The following STON2 variants were observed in gnomAD, a reference collection of about 807,000 sequenced individuals.
STON2 encodes the protein stonin-2.
A neutral mutation model predicts 65.7 loss-of-function variants in STON2; 29 were observed. The ratio of observed to expected loss-of-function variants is 0.44; its 90% CI spans 0.33 to 0.60. STON2 has a LOEUF of 0.60. STON2 is among the 20% of genes least tolerant of loss of function. The pLI is 0.03. For missense variants in STON2, 1,054 were observed against 1,118.1 expected, an observed-to-expected ratio of 0.94 and a Z score of 0.82; for synonymous variants, 404 against 414.2, an observed-to-expected ratio of 0.98 and a Z score of 0.30.
At chr14:81,383,625 C>T (rs1899643328) in intron 3 of STON2, among the ~76,000 whole-genome samples, 1 of 152,126 alleles carries the variant, frequency 6.6e-6, no homozygotes, top group Admixed American at 6.6e-5. Context: ...AATCCAATCA[C>T]TTCCTGCCTT....
At chr14:81,348,544 G>C (rs1263161707) in intron 4 of STON2, among the ~76,000 whole-genome samples, 1 of 151,866 alleles carries the variant, frequency 6.6e-6, no homozygotes, top group Non-Finnish European at 1.5e-5. Flanking sequence ...TAAACAAAGA[G>C]GTGAAAGACT....
At chr14:81,336,465 G>A (rs1007801464) in intron 4 of STON2, among the ~76,000 whole-genome samples, 1 of 152,002 alleles carries the variant, frequency 6.6e-6, no homozygotes, top group Non-Finnish European at 1.5e-5. Context: ...AGGAGTACCA[G>A]AAATATCACT....
chr14:81,398,127 G>A (rs1900415741), intron 2 of STON2, among the ~76,000 whole-genome samples, 168 bp downstream of exon 2: 1 of 152,128 alleles, frequency 6.6e-6, no homozygotes, highest in African/African-American at 2.4e-5. Flanking sequence ...CTTTTTCAGT[G>A]TGTAAATTCT....
At position 81,278,579 on chromosome 14, in the gene STON2, T is replaced by A; in HGVS notation, c.903A>T (p.Leu301Phe). ...GCTTCAGAGGAGAGGTGACTGGTGG[T>A]AAAGGGCAGCTGACTTCATTGTCAT... ...TFDDNEVSCP[L>F]PPVTSPLKPN... The change falls in exon 6 of 8, where the codon TTA (leucine) becomes TTT (phenylalanine). Residue 301 changes from leucine (L) to phenylalanine (F), a missense_variant. Physicochemically the swap from Leu to Phe is conservative, Grantham distance 22 (BLOSUM62 0). Transcript: ENST00000614646. The A allele has an allele frequency of 6.2e-7, 1 of 1,607,160 alleles. No individual in the cohort carries two copies. Among genetic ancestry groups the A allele is most frequent in the Non-Finnish European group, 8.5e-7 (1 of 1,175,996 alleles).
Position 81,430,966 on chromosome 14 carries a change from CT to C in STON2, c.-309-3755del, listed in dbSNP as rs556310860. Reference sequence around the variant, plus strand: ...ACATCCACAGTTTTGTTTGCTGCACCTTTTGAAATTTCAGGCCAGGTTTCCT... The same window carrying C: ...ACATCCACAGTTTTGTTTGCTGCACCTTTGAAATTTCAGGCCAGGTTTCCT... On this transcript the variant is annotated intron_variant, in intron 1 of 8. Coordinates refer to the STON2 transcript ENST00000553821. Among the ~76,000 whole-genome samples, 4 of 152,248 alleles carry C rather than the reference CT, an allele frequency of 2.6e-5. No homozygotes were observed. The South Asian group carries it at 8.3e-4, about 32-fold the overall frequency.
In STON2 at chr14:81,299,558, T is replaced by C. The variant is rs1399896014; in HGVS notation, c.743-20819A>G. 2.0e-5 allele frequency among the ~76,000 whole-genome samples: 3 copies of C among 152,248 alleles called. No homozygotes were observed. In the East Asian group the frequency reaches 5.8e-4, roughly 29 times the overall value. On this transcript the variant is annotated intron_variant, in intron 5 of 7. Coordinates refer to ENST00000614646, the MANE Select transcript of STON2 (RefSeq NM_001394390.1). Reference sequence around the variant, plus strand: ...TGGCTAACTTATGAGCATTTTGGGCTGTTGCTGTTTTCAGTTTTTCCTTTA... The same window carrying C: ...TGGCTAACTTATGAGCATTTTGGGCCGTTGCTGTTTTCAGTTTTTCCTTTA...
At position 81,264,019 on chromosome 14, in the gene STON2, T is replaced by C; in HGVS notation, c.*4395A>G. The C allele has an allele frequency of 2.0e-6, 2 of 985,432 alleles. No individual in the cohort carries two copies. Among genetic ancestry groups the C allele is most frequent in the Non-Finnish European group, 2.4e-6 (2 of 829,928 alleles). 61.0% of individuals were successfully genotyped at this position (985,432 alleles called of 1,614,324 possible). On this transcript the variant is annotated 3_prime_UTR_variant, in exon 8 of 8. Transcript: ENST00000614646. ...GGTTAGTGCTGGAAGAACAAAGACCTACTGCATGAAGACTGGTTGTGCACT... is the reference window on the plus strand; with the variant it reads ...GGTTAGTGCTGGAAGAACAAAGACCCACTGCATGAAGACTGGTTGTGCACT...
At chr14:81,343,980 T>C (rs1222400282) in intron 4 of STON2, among the ~76,000 whole-genome samples, 1 of 152,182 alleles carries the variant, frequency 6.6e-6, no homozygotes, top group Non-Finnish European at 1.5e-5. Flanking sequence ...ATACTATACC[T>C]ATGTCCTGTA....
chr14:81,291,911 C>A (rs1006769867), intron 5 of STON2, among the ~76,000 whole-genome samples: 3 of 150,548 alleles, frequency 2.0e-5, no homozygotes, highest in Non-Finnish European at 3.0e-5. Flanking sequence ...ACGGATATCA[C>A]CTCTTCCCTA....
chr14:81,292,818 G>T (rs61308756), intron 5 of STON2, among the ~76,000 whole-genome samples: 1 of 152,304 alleles, frequency 6.6e-6, no homozygotes, highest in African/African-American at 2.4e-5. Context: ...AACAGGCTGA[G>T]ATTACTACTT....
At chr14:81,419,836 AGAAGT>A (rs1901616414) in intron 2 of STON2, among the ~76,000 whole-genome samples, 1 of 152,228 alleles carries the variant, frequency 6.6e-6, no homozygotes, top group Non-Finnish European at 1.5e-5. Flanking sequence ...GTAAGAGAAG[AGAAGT>A]GAAGTAGGGA....
At position 81,261,847 on chromosome 14, in the gene STON2, C is replaced by T. The variant is rs1894157368; in HGVS notation, c.*6567G>A. 3 of 1,534,332 alleles carry T rather than the reference C, an allele frequency of 2.0e-6. No homozygotes were observed. The highest frequency in any genetic ancestry group is 1.4e-5 in the African/African-American group (1 of 72,764). The stretch of plus-strand genomic sequence containing the variant: ...AAAGAAGCATTCCACCTGATCTTCA[C>T]CACCCTCTTTGATCCTCTTTTTAAA... On this transcript the variant is annotated 3_prime_UTR_variant, in exon 8 of 8. Transcript: ENST00000614646.
intron 1 of STON2, among the ~76,000 whole-genome samples, chr14:81,430,840 T>C (rs1462667072): frequency 2.0e-5 from 3 of 152,192 alleles, no homozygotes; most frequent in Non-Finnish European, 4.4e-5. Flanking sequence ...GCTGGGTAAA[T>C]GTTATCCAGT....
At chr14:81,317,584 C>T (rs113471468) in intron 5 of STON2, among the ~76,000 whole-genome samples, 2 of 152,174 alleles carry the variant, frequency 1.3e-5, no homozygotes, top group African/African-American at 4.8e-5. Context: ...AAGCCTTTCA[C>T]AAAATAAATC....
chr14:81,370,126 G>A (rs1898918597), intron 4 of STON2, among the ~76,000 whole-genome samples: 1 of 152,156 alleles, frequency 6.6e-6, no homozygotes, highest in African/African-American at 2.4e-5. Context: ...AGAATTGAAT[G>A]GCACATAGCA....
chr14:81,428,597 C>T (rs1040795789), intron 1 of STON2, among the ~76,000 whole-genome samples: 1 of 152,146 alleles, frequency 6.6e-6, no homozygotes. Flanking sequence ...GTGGCACACA[C>T]CTGTAGTCCC....
chr14:81,275,809 T>C (rs1044223393), intron 6 of STON2, among the ~76,000 whole-genome samples: 4 of 152,088 alleles, frequency 2.6e-5, no homozygotes, highest in Middle Eastern at 3.2e-3. Flanking sequence ...GGCCGTCACA[T>C]TGCATTACAC....
At chr14:81,433,702 G>A (rs1336699285) in intron 1 of STON2, among the ~76,000 whole-genome samples, 1 of 152,050 alleles carries the variant, frequency 6.6e-6, no homozygotes, top group Non-Finnish European at 1.5e-5. Context: ...TTTTCCCTTT[G>A]TCATAAATAA....
chr14:81,275,772 G>C (rs1263279274), intron 6 of STON2, among the ~76,000 whole-genome samples: 1 of 152,100 alleles, frequency 6.6e-6, no homozygotes, highest in African/African-American at 2.4e-5. Context: ...GGACTGCCTG[G>C]GGAGCTGGCC....
Sources: allele counts gnomAD v4.1 joint callset (sites outside exome capture counted in the v4.1 genomes callset), GRCh38; gene constraint gnomAD v4.1.1; transcripts MANE v1.5; gene names NCBI Gene and HGNC (gene_info 2026-07-23, HGNC 2026-07-21).